TBC1D5: variants seen among roughly 807,000 people sequenced by gnomAD.
The protein encoded by TBC1D5 is TBC1 domain family, member 5.
TBC1D5 carries 75 observed loss-of-function variants against 100.3 expected under a neutral mutation model. The observed-to-expected ratio is 0.75, with a 90% CI of 0.62 to 0.91. The LOEUF is 0.91. Ranked by LOEUF, TBC1D5 falls within the 40% of genes least tolerant of loss-of-function variation. The probability of loss-of-function intolerance (pLI) is 0.00; values close to 1 mark genes in which losing one functional copy is unlikely to be tolerated. For synonymous variants in TBC1D5, 323 were observed against 325.6 expected, an observed-to-expected ratio of 0.99 and a Z score of 0.09; for missense variants, 910 against 942.4, an observed-to-expected ratio of 0.97 and a Z score of 0.45.
At chr3:17,579,542 G>C (rs1041070376) in intron 2 of TBC1D5, among the ~76,000 whole-genome samples, 1 of 152,064 alleles carries the variant, frequency 6.6e-6, no homozygotes, top group Non-Finnish European at 1.5e-5. Context: ...AAGAGGAAGA[G>C]AAGGTGAAAC....
chr3:17,472,674 T>C (rs994488446), intron 3 of TBC1D5, among the ~76,000 whole-genome samples: 2 of 152,240 alleles, frequency 1.3e-5, no homozygotes, highest in Non-Finnish European at 2.9e-5. Context: ...GTTTTGTTTA[T>C]ACCCGTAATT....
At chr3:17,344,528 G>A (rs1049845011) in intron 13 of TBC1D5, among the ~76,000 whole-genome samples, 5 of 151,658 alleles carry the variant, frequency 3.3e-5, no homozygotes, top group South Asian at 2.1e-4. Flanking sequence ...TCCCCATCAA[G>A]CTACCAATGA....
chr3:17,496,973 G>A (rs1035235532), intron 3 of TBC1D5, among the ~76,000 whole-genome samples: 10 of 152,028 alleles, frequency 6.6e-5, no homozygotes, highest in Admixed American at 5.9e-4. Flanking sequence ...TGGTAGCCCA[G>A]CCACAGTGAT....
At chr3:17,267,567 T>C (rs551106073) in intron 15 of TBC1D5, among the ~76,000 whole-genome samples, 20 of 152,312 alleles carry the variant, frequency 1.3e-4, no homozygotes, top group African/African-American at 4.3e-4. Flanking sequence ...AAAGTTATCA[T>C]TGCAAATTTT....
intron 2 of TBC1D5, among the ~76,000 whole-genome samples, chr3:17,558,286 T>A (rs186299357): frequency 6.6e-6 from 1 of 152,154 alleles, no homozygotes; most frequent in Non-Finnish European, 1.5e-5. Context: ...GAAATCTTTA[T>A]GGAAAACACA....
chr3:17,460,205 G>A (rs112258019), intron 3 of TBC1D5, among the ~76,000 whole-genome samples: 3 of 152,154 alleles, frequency 2.0e-5, no homozygotes, highest in East Asian at 1.9e-4. Context: ...GAACCTAACC[G>A]ATATGATCTT....
intron 3 of TBC1D5, among the ~76,000 whole-genome samples, chr3:17,451,213 A>C (rs1008270169): frequency 2.0e-5 from 3 of 152,210 alleles, no homozygotes; most frequent in Non-Finnish European, 4.4e-5. Flanking sequence ...CCTGCCTTAC[A>C]AGAGTTCTGA....
intron 13 of TBC1D5, among the ~76,000 whole-genome samples, chr3:17,362,120 C>A (rs1340985622): frequency 6.6e-6 from 1 of 152,046 alleles, no homozygotes; most frequent in South Asian, 2.1e-4. Context: ...TGACCAATAC[C>A]TTTTACCTTA....
chr3:17,626,178 A>G (rs1229266403), intron 1 of TBC1D5, among the ~76,000 whole-genome samples: 1 of 152,152 alleles, frequency 6.6e-6, no homozygotes, highest in East Asian at 1.9e-4. Context: ...AGCAGAGGGG[A>G]AAAAAGAGGT....
intron 1 of TBC1D5, among the ~76,000 whole-genome samples, chr3:17,665,388 G>A (rs183801384): frequency 8.2e-4 from 125 of 152,284 alleles, no homozygotes; most frequent in African/African-American, 2.9e-3. Flanking sequence ...AAAAATTACT[G>A]CAAATCTCTT....
At chr3:17,538,613 T>C (rs1302577103) in intron 2 of TBC1D5, among the ~76,000 whole-genome samples, 1 of 152,212 alleles carries the variant, frequency 6.6e-6, no homozygotes, top group Non-Finnish European at 1.5e-5. Context: ...AACCAACTAC[T>C]GCCCTTCAGC....
intron 2 of TBC1D5, among the ~76,000 whole-genome samples, chr3:17,590,757 T>A (rs1477406784): frequency 6.6e-6 from 1 of 152,162 alleles, no homozygotes; most frequent in Admixed American, 6.5e-5. Context: ...TGGGCATAGC[T>A]ACCATAATAG....
chr3:17,715,303 T>C (rs1037741854), intron 1 of TBC1D5, among the ~76,000 whole-genome samples: 1 of 152,210 alleles, frequency 6.6e-6, no homozygotes, highest in Non-Finnish European at 1.5e-5. Flanking sequence ...TACTCGATCC[T>C]GATTAGTGGT....
intron 2 of TBC1D5, among the ~76,000 whole-genome samples, chr3:17,523,064 C>T (rs2096080429): frequency 6.7e-6 from 1 of 149,238 alleles, no homozygotes; most frequent in Admixed American, 6.7e-5. Context: ...TTAATGCTTA[C>T]TAAATGCTAG....
intron 2 of TBC1D5, among the ~76,000 whole-genome samples, chr3:17,612,553 C>A (rs2061761641): frequency 6.6e-6 from 1 of 151,844 alleles, no homozygotes; most frequent in Non-Finnish European, 1.5e-5. Flanking sequence ...TACCTTGAAC[C>A]CGGGAGGCAG....
chr3:17,371,515 C>A (rs1462657555), intron 13 of TBC1D5, among the ~76,000 whole-genome samples: 1 of 152,064 alleles, frequency 6.6e-6, no homozygotes, highest in Non-Finnish European at 1.5e-5. Flanking sequence ...GTAAACTAAA[C>A]CTGAGCCTTA....
rs573212117 is a variant in TBC1D5 at position 17,605,745 on chromosome 3, T to C, written c.-36+18104A>G. On this transcript the variant is annotated intron_variant, in intron 2 of 21. Coordinates refer to ENST00000253692, the Ensembl canonical transcript of TBC1D5. ...AACACATATATATTAACATGCTCAATTGTGACCGACAAATATTATGAGACT... is the reference window on the plus strand; with the variant it reads ...AACACATATATATTAACATGCTCAACTGTGACCGACAAATATTATGAGACT... Among the ~76,000 whole-genome samples the C allele has an allele frequency of 8.5e-5, 13 of 152,272 alleles. No individual in the cohort carries two copies. The South Asian group carries it at 2.1e-3, about 24-fold the overall frequency.
chr3:17,705,123 A>C (rs1179513796), intron 1 of TBC1D5, among the ~76,000 whole-genome samples: 1 of 108,260 alleles, frequency 9.2e-6, no homozygotes, highest in Non-Finnish European at 1.9e-5. Context: ...TCCCTCCCGG[A>C]CGGGGCGGCT....
Position 17,605,620 on chromosome 3 carries a change from T to C in TBC1D5, c.-36+18229A>G, listed in dbSNP as rs542867819. On this transcript the variant is annotated intron_variant, in intron 2 of 21. Coordinates refer to ENST00000253692, the Ensembl canonical transcript of TBC1D5. ...TTTTAGTAACCAGAAAATTTGATCA[T>C]GCAGGAAAACAAAGTTCACCTAAGC... Among the ~76,000 whole-genome samples, 10 of 152,320 alleles carry C rather than the reference T, an allele frequency of 6.6e-5. No homozygotes were observed. In the East Asian group the frequency reaches 1.9e-3, roughly 29 times the overall value.
Sources: gnomAD v4.1 joint callset for allele counts (sites outside exome capture counted in the v4.1 genomes callset) on GRCh38, gnomAD v4.1.1 for gene constraint, MANE v1.5 for transcripts, NCBI Gene and HGNC (gene_info 2026-07-23, HGNC 2026-07-21) for gene names.